SPRED1: variants seen among roughly 807,000 people sequenced by gnomAD.
SPRED1 encodes sprouty-related, EVH1 domain-containing protein 1.
A neutral mutation model predicts 52.3 loss-of-function variants in SPRED1; 18 were observed. The observed-to-expected ratio is 0.34, with a 90% CI of 0.24 to 0.51. The LOEUF is 0.51. Ranked by LOEUF, SPRED1 falls within the 20% of genes least tolerant of loss-of-function variation. The pLI, the probability that SPRED1 is intolerant of heterozygous loss-of-function variation, is 0.97. For synonymous variants in SPRED1, 155 were observed against 179.7 expected (o/e 0.86, Z 1.10); for missense variants, 485 against 551.0 (o/e 0.88, Z 1.20).
At chr15:38,346,261 G>A (rs1374420162) in intron 5 of SPRED1, among the ~76,000 whole-genome samples, 2 of 151,552 alleles carry the variant, frequency 1.3e-5, no homozygotes, top group African/African-American at 4.9e-5. Context: ...AGGCCACAGT[G>A]AGCCACGTAC....
intron 1 of SPRED1, among the ~76,000 whole-genome samples, chr15:38,297,054 GA>G (rs1895055424): frequency 2.6e-5 from 4 of 152,150 alleles, no homozygotes. Flanking sequence ...CCTCTTTCCA[GA>G]CAATGAACCT....
chr15:38,273,537 ATATATATATATATATATATATG>A lies in SPRED1; in HGVS notation c.32+20321_32+20342del, dbSNP rs1469233330. ...GTATTATTAATATATATATATATAT[ATATATATATATATATATATATG>A]AATAATAGTTTTTTTCCTATAGGAT... is the stretch of plus-strand genomic sequence containing the variant. On this transcript the variant is annotated intron_variant, in intron 1 of 6. Coordinates refer to ENST00000299084, the MANE Select transcript of SPRED1 (RefSeq NM_152594.3). 2.3e-3 allele frequency among the ~76,000 whole-genome samples: 12 copies of A among 5,220 alleles called. No homozygotes were observed. The Admixed American group carries it at 0.03, about 13-fold the overall frequency. 3.4% of individuals were successfully genotyped at this position (5,220 alleles called of 152,430 possible).
chr15:38,298,424 T>C (rs1895080529), intron 1 of SPRED1: 1 of 260,498 alleles, frequency 3.8e-6, no homozygotes, highest in African/African-American at 2.4e-5. Flanking sequence ...TTATTCATAA[T>C]TGCCAACAAC....
At chr15:38,281,771 T>TA (rs1183401179) in intron 1 of SPRED1, among the ~76,000 whole-genome samples, 1 of 152,096 alleles carries the variant, frequency 6.6e-6, no homozygotes, top group Admixed American at 6.5e-5. Context: ...CATTTTTGTA[T>TA]AAAAATATAT....
At chr15:38,305,143 A>G (rs1249755034) in intron 2 of SPRED1, among the ~76,000 whole-genome samples, 2 of 152,044 alleles carry the variant, frequency 1.3e-5, no homozygotes, top group Non-Finnish European at 2.9e-5. Context: ...AGCCTGGCCA[A>G]CATGGTGAAA....
intron 2 of SPRED1, among the ~76,000 whole-genome samples, chr15:38,321,076 T>A (rs1895592994): frequency 6.6e-6 from 1 of 152,148 alleles, no homozygotes; most frequent in African/African-American, 2.4e-5. Flanking sequence ...CACCATACTG[T>A]GATTACATAA....
chr15:38,328,826 C>G (rs1234059449), intron 4 of SPRED1, among the ~76,000 whole-genome samples: 1 of 151,924 alleles, frequency 6.6e-6, no homozygotes, highest in East Asian at 1.9e-4. Flanking sequence ...CTCAAATGGT[C>G]CTCCCGCATC....
intron 4 of SPRED1, among the ~76,000 whole-genome samples, chr15:38,335,526 A>C (rs1009688404): frequency 2.7e-5 from 4 of 146,272 alleles, no homozygotes; most frequent in African/African-American, 1.0e-4. Context: ...ATTCTGCATG[A>C]ATTCAGAAGG....
In SPRED1 at chr15:38,354,244, C is replaced by T. The variant is rs907809087; in HGVS notation, c.*2580C>T. ...TCTTAAACATGTGTATAGGCACCTT[C>T]AGGAACATTTTCTCATTCTCTGTAC... On this transcript the variant is annotated 3_prime_UTR_variant, in exon 7 of 7. Transcript: ENST00000299084. 2 of 152,180 alleles carry T rather than the reference C, an allele frequency of 1.3e-5. No homozygotes were observed. Among genetic ancestry groups the T allele is most frequent in the Non-Finnish European group, 2.9e-5 (2 of 68,044 alleles). The allele number at this position is 152,180 out of a possible 1,614,324, so 9.4% of individuals were successfully genotyped here.
chr15:38,285,392 T>C (rs1036977867), intron 1 of SPRED1, among the ~76,000 whole-genome samples: 6 of 151,844 alleles, frequency 4.0e-5, no homozygotes, highest in Non-Finnish European at 8.8e-5. Flanking sequence ...GCAAATAGAG[T>C]GGAGATGATG....
intron 5 of SPRED1, among the ~76,000 whole-genome samples, chr15:38,343,305 G>T (rs1182168425): frequency 1.3e-5 from 2 of 152,030 alleles, no homozygotes; most frequent in Admixed American, 6.6e-5. Flanking sequence ...AATAGATGGA[G>T]TTAGAGGGGT....
chr15:38,329,784 C>A (rs1895774100), intron 4 of SPRED1, among the ~76,000 whole-genome samples: 1 of 152,078 alleles, frequency 6.6e-6, no homozygotes. Flanking sequence ...TTTCTTCTGG[C>A]ATCTTGTATA....
At chr15:38,269,573 C>G (rs1894386914) in intron 1 of SPRED1, among the ~76,000 whole-genome samples, 1 of 152,052 alleles carries the variant, frequency 6.6e-6, no homozygotes, top group African/African-American at 2.4e-5. Context: ...AATTCATTGT[C>G]TCTCACTGTT....
chr15:38,263,323 A>G (rs1894240064), intron 1 of SPRED1, among the ~76,000 whole-genome samples: 1 of 152,204 alleles, frequency 6.6e-6, no homozygotes, highest in African/African-American at 2.4e-5. Context: ...AAAGTGTCCA[A>G]CAAGGTGCTT....
At chr15:38,261,998 CT>C (rs35445689) in intron 1 of SPRED1, among the ~76,000 whole-genome samples, 42 of 135,654 alleles carry the variant, frequency 3.1e-4, no homozygotes, top group East Asian at 6.4e-4. Flanking sequence ...TCACCAAACT[CT>C]TTTTTTTTTT....
chr15:38,333,275 A>G (rs1257113277), intron 4 of SPRED1, among the ~76,000 whole-genome samples: 2 of 152,162 alleles, frequency 1.3e-5, no homozygotes, highest in East Asian at 3.9e-4. Context: ...GTTAAGCATA[A>G]AACAGTTTTT....
At chr15:38,291,775 A>AC (rs1194988983) in intron 1 of SPRED1, among the ~76,000 whole-genome samples, 1 of 152,132 alleles carries the variant, frequency 6.6e-6, no homozygotes, top group African/African-American at 2.4e-5. Context: ...CAGCACAGGG[A>AC]CAGTGGGTCC....
intron 4 of SPRED1, among the ~76,000 whole-genome samples, chr15:38,333,241 CTT>C (rs1457326818): frequency 4.6e-5 from 7 of 152,086 alleles, no homozygotes; most frequent in Admixed American, 6.6e-5. Context: ...TCAACAAAGA[CTT>C]TTTGATGAGT....
intron 1 of SPRED1, among the ~76,000 whole-genome samples, chr15:38,292,431 C>T (rs905605800): frequency 5.3e-5 from 8 of 152,052 alleles, no homozygotes; most frequent in African/African-American, 1.7e-4. Context: ...TGTATTGGTC[C>T]GTTTTCACAC....
Sources: allele counts gnomAD v4.1 joint callset (sites outside exome capture counted in the v4.1 genomes callset), GRCh38; gene constraint gnomAD v4.1.1; transcripts MANE v1.5; gene names NCBI Gene and HGNC (gene_info 2026-07-23, HGNC 2026-07-21).